The following ATF4 variants were observed in gnomAD, a reference collection of about 807,000 sequenced individuals.
ATF4 encodes cyclic AMP-dependent transcription factor ATF-4.
Under a neutral mutation model 21.0 loss-of-function variants are expected in ATF4, and 8 were observed. That is an observed-to-expected ratio of 0.38 (90% CI 0.22 to 0.69). The LOEUF (loss-of-function observed/expected upper bound fraction) is 0.69. Among genes scored for constraint, ATF4 ranks in the 30% least tolerant of loss-of-function variants. The pLI is 0.49. For synonymous variants in ATF4, 241 were observed against 166.4 expected, an observed-to-expected ratio of 1.45 and a Z score of -3.45; for missense variants, 549 against 425.9, an observed-to-expected ratio of 1.29 and a Z score of -2.54.
intron 2 of ATF4, 35 bp from the exon 3 acceptor site, chr22:39,521,738 G>A (rs1429477122): frequency 1.2e-6 from 2 of 1,610,604 alleles, no homozygotes; most frequent in South Asian, 1.1e-5. Flanking sequence ...CTTTGTATCT[G>A]ACTCACTTGG....
chr22:39,521,200 G>T lies in ATF4; in HGVS notation c.-92-154G>T, dbSNP rs527679261. 6 of 312,650 alleles carry T rather than the reference G, an allele frequency of 1.9e-5. No individual in the cohort carries two copies. In the South Asian group the frequency reaches 5.3e-4, roughly 28 times the overall value. The allele number at this position is 312,650 out of a possible 1,614,324, so 19.4% of individuals were successfully genotyped here. Reference sequence around the variant, plus strand: ...GGTCTCCGTGAGCGTCCATTTTGTGGAACCTGAGTTGCAAGCAGGGAGGGG... The same window carrying T: ...GGTCTCCGTGAGCGTCCATTTTGTGTAACCTGAGTTGCAAGCAGGGAGGGG... On this transcript the variant is annotated intron_variant, in intron 1 of 2. Transcript: ENST00000674920.
rs769410051 is a variant in ATF4 at position 39,522,500 on chromosome 22, G to A, written c.954G>A (p.Glu318=). The change falls in exon 3 of 3, where the codon GAG becomes GAA. Residue 318 remains glutamate (E), a synonymous_variant. Transcript: ENST00000674920. ...GECKELEKKN[E]ALKERADSLA... ...GCAAAGAGCTGGAAAAGAAGAACGA[G>A]GCTCTAAAAGAGAGGGCGGATTCCC... 1.2e-5 allele frequency: 20 copies of A among 1,612,170 alleles called. No individual in the cohort carries two copies. The highest frequency in any genetic ancestry group is 4.0e-5 in the African/African-American group (3 of 74,650).
Position 39,522,614 on chromosome 22 carries a change from C to T in ATF4, c.*12C>T, listed in dbSNP as rs1931040597. On this transcript the variant is annotated 3_prime_UTR_variant, in exon 3 of 3. Transcript: ENST00000674920. ...AAAGGGTCCCCTAGTTGAGGATAGT[C>T]AGGAGCGTCAATGTGCTTGTACATA... 1.3e-6 allele frequency: 2 copies of T among 1,522,848 alleles called. No homozygotes were observed. The highest frequency in any genetic ancestry group is 1.8e-6 in the Non-Finnish European group (2 of 1,138,812). The allele number at this position is 1,522,848 out of a possible 1,614,324, so 94.3% of individuals were successfully genotyped here.
chr22:39,522,561 G>A lies in ATF4; in HGVS notation c.1015G>A (p.Glu339Lys), dbSNP rs1180976813. The A allele has an allele frequency of 6.4e-7, 1 of 1,567,370 alleles. No individual in the cohort carries two copies. Among genetic ancestry groups the A allele is most frequent in the African/African-American group, 1.4e-5 (1 of 72,464 alleles). The change falls in exon 3 of 3, where the codon GAA becomes AAA. Residue 339 changes from glutamate to lysine, a missense_variant. By Grantham distance (56) the Glu-to-Lys change is moderately conservative. Coordinates refer to ENST00000674920, the MANE Select transcript of ATF4 (RefSeq NM_182810.3). ...GATCCAGTACCTGAAAGATTTGATA[G>A]AAGAGGTCCGCAAGGCAAGGGGGAA... ...KEIQYLKDLI[E>K]EVRKARGKKR...
Position 39,522,325 on chromosome 22 carries a change from C to T in ATF4, c.779C>T (p.Pro260Leu), listed in dbSNP as rs147899546. Residue 260 changes from proline to leucine, a missense_variant, in exon 3 of 3, where the codon CCT becomes CTT. Coordinates refer to ENST00000674920, the MANE Select transcript of ATF4 (RefSeq NM_182810.3). ...GVLCGSARPK[P>L]YDPPGEKMVA... Reference sequence around the variant, plus strand: ...CTCTGTGGGTCTGCCCGTCCCAAACCTTACGATCCTCCTGGAGAGAAGATG... The same window carrying T: ...CTCTGTGGGTCTGCCCGTCCCAAACTTTACGATCCTCCTGGAGAGAAGATG... 6.2e-7 allele frequency: 1 copy of T among 1,612,662 alleles called. No homozygotes were observed. Among genetic ancestry groups the T allele is most frequent in the South Asian group, 1.1e-5 (1 of 90,762 alleles).
Position 39,521,514 on chromosome 22 carries a change from G to A in ATF4, c.69G>A (p.Ser23=), listed in dbSNP as rs772253684. 6.6e-5 allele frequency: 106 copies of A among 1,605,756 alleles called. No homozygotes were observed. The highest frequency in any genetic ancestry group is 8.8e-5 in the Non-Finnish European group (104 of 1,175,696). ...ACTTGATGTCCCCCTTCGACCAGTC[G>A]GGTTTGGGGGCTGAAGAAAGCCTAG... The part of the protein sequence containing the change: ...VGDLMSPFDQ[S]GLGAEESLGL... Residue 23 remains serine (S), a synonymous_variant, in exon 2 of 3, where the codon TCG becomes TCA. Transcript: ENST00000674920.
intron 1 of ATF4, chr22:39,521,070 G>C (rs557047390): frequency 6.1e-6 from 1 of 162,798 alleles, no homozygotes; most frequent in Non-Finnish European, 1.3e-5. Flanking sequence ...GCGGCGGCGC[G>C]GGCGTGAGTC....
chr22:39,522,051 G>A lies in ATF4; in HGVS notation c.505G>A (p.Val169Ile), dbSNP rs371009074. 73 of 1,613,794 alleles carry A rather than the reference G, an allele frequency of 4.5e-5. No homozygotes were observed. Among genetic ancestry groups the A allele is most frequent in the Non-Finnish European group, 5.6e-5 (66 of 1,179,866 alleles). ...FLQPLPLSPG[V>I]LSSTPDHSFS... ...ACAACCTCTTCCCCTTTCCCCAGGG[G>A]TCCTGTCCTCCACTCCAGATCATTC... The change falls in exon 3 of 3, where the codon GTC (valine) becomes ATC (isoleucine). Residue 169 changes from valine to isoleucine, a missense_variant. Transcript: ENST00000674920.
At position 39,522,151 on chromosome 22, in the gene ATF4, C is replaced by T. The variant is rs367700144; in HGVS notation, c.605C>T (p.Ala202Val). The T allele has an allele frequency of 3.1e-6, 5 of 1,613,530 alleles. No individual in the cohort carries two copies. Among genetic ancestry groups the T allele is most frequent in the African/African-American group, 1.3e-5 (1 of 74,870 alleles). Residue 202 changes from alanine (A) to valine (V), a missense_variant, in exon 3 of 3, where the codon GCC becomes GTC. By Grantham distance (64) the Ala-to-Val change is moderately conservative (BLOSUM62 0). Transcript: ENST00000674920. ...DRKPDYTAYV[A>V]MIPQCIKEED... ...AAGCCAGACTACACTGCTTACGTTG[C>T]CATGATCCCTCAGTGCATAAAGGAG...
At position 39,521,419 on chromosome 22, in the gene ATF4, T is replaced by C. The variant is rs778398197; in HGVS notation, c.-27T>C. Reference sequence around the variant, plus strand: ...AAAGACACCTTCGAATTAAGCACATTCCTCGATTCCAGCAAAGCACCGCAA... The same window carrying C: ...AAAGACACCTTCGAATTAAGCACATCCCTCGATTCCAGCAAAGCACCGCAA... On this transcript the variant is annotated 5_prime_UTR_variant, in exon 2 of 3. Coordinates refer to ENST00000674920, the MANE Select transcript of ATF4 (RefSeq NM_182810.3). 2.6e-6 allele frequency: 4 copies of C among 1,513,586 alleles called. No individual in the cohort carries two copies. Among genetic ancestry groups the C allele is most frequent in the Non-Finnish European group, 3.5e-6 (4 of 1,129,466 alleles). 93.8% of individuals were successfully genotyped at this position (1,513,586 alleles called of 1,614,324 possible).
chr22:39,522,159 C>G lies in ATF4; in HGVS notation c.613C>G (p.Pro205Ala), dbSNP rs767122150. Residue 205 changes from proline to alanine, a missense_variant, in exon 3 of 3, where the codon CCT becomes GCT. Physicochemically the swap from Pro to Ala is conservative, Grantham distance 27. Transcript: ENST00000674920. ...CTACACTGCTTACGTTGCCATGATC[C>G]CTCAGTGCATAAAGGAGGAAGACAC... ...PDYTAYVAMI[P>A]QCIKEEDTPS... The G allele has an allele frequency of 1.2e-6, 2 of 1,613,392 alleles. No homozygotes were observed. Among genetic ancestry groups the G allele is most frequent in the Middle Eastern group, 1.6e-4 (1 of 6,078 alleles).
In ATF4 at chr22:39,521,411, A is replaced by T; in HGVS notation, c.-35A>T. 2 of 1,502,430 alleles carry T rather than the reference A, an allele frequency of 1.3e-6. No homozygotes were observed. The highest frequency in any genetic ancestry group is 1.8e-6 in the Non-Finnish European group (2 of 1,120,350). 93.1% of individuals were successfully genotyped at this position (1,502,430 alleles called of 1,614,324 possible). ...TAACCGACAAAGACACCTTCGAATT[A>T]AGCACATTCCTCGATTCCAGCAAAG... On this transcript the variant is annotated 5_prime_UTR_variant, in exon 2 of 3. Coordinates refer to ENST00000674920, the MANE Select transcript of ATF4 (RefSeq NM_182810.3).
chr22:39,521,564 T>G lies in ATF4; in HGVS notation c.119T>G (p.Val40Gly), dbSNP rs1248754297. The change falls in exon 2 of 3, where the codon GTG becomes GGG. Residue 40 changes from valine to glycine, a missense_variant. Val to Gly is a moderately radical substitution (Grantham distance 109). Coordinates refer to ENST00000674920, the MANE Select transcript of ATF4 (RefSeq NM_182810.3). ...GGTCTCTTAGATGATTACCTGGAGG[T>G]GGCCAAGCACTTCAAACCTCATGGG... ...SLGLLDDYLE[V>G]AKHFKPHGFS... 1.2e-6 allele frequency: 2 copies of G among 1,613,234 alleles called. No individual in the cohort carries two copies. Among genetic ancestry groups the G allele is most frequent in the Non-Finnish European group, 1.7e-6 (2 of 1,179,942 alleles).
intron 1 of ATF4, 130 bp downstream of exon 1, chr22:39,520,881 G>C (rs1930895740): frequency 6.5e-6 from 1 of 152,888 alleles, no homozygotes; most frequent in Admixed American, 6.5e-5. Context: ...CGGGACGCGT[G>C]GTCTTTGCTT....
At position 39,522,579 on chromosome 22, in the gene ATF4, A is replaced by G; in HGVS notation, c.1033A>G (p.Arg345Gly). 6.5e-7 allele frequency: 1 copy of G among 1,540,984 alleles called. No homozygotes were observed. The highest frequency in any genetic ancestry group is 1.4e-5 in the African/African-American group (1 of 72,160). Residue 345 changes from arginine (R) to glycine (G), a missense_variant, in exon 3 of 3, where the codon AGG (arginine) becomes GGG (glycine). Coordinates refer to ENST00000674920, the MANE Select transcript of ATF4 (RefSeq NM_182810.3). Reference sequence around the variant, plus strand: ...TTTGATAGAAGAGGTCCGCAAGGCAAGGGGGAAGAAAAGGGTCCCCTAGTT... The same window carrying G: ...TTTGATAGAAGAGGTCCGCAAGGCAGGGGGGAAGAAAAGGGTCCCCTAGTT... Reference protein sequence around the residue: ...KDLIEEVRKARGKKRVP With the variant: ...KDLIEEVRKAGGKKRVP
Position 39,522,185 on chromosome 22 carries a change from C to A in ATF4, c.639C>A (p.Thr213=). The A allele has an allele frequency of 1.2e-6, 2 of 1,611,792 alleles. No individual in the cohort carries two copies. The highest frequency in any genetic ancestry group is 1.7e-6 in the Non-Finnish European group (2 of 1,178,542). Residue 213 remains threonine (T), a synonymous_variant, in exon 3 of 3, where the codon ACC becomes ACA. Coordinates refer to ENST00000674920, the MANE Select transcript of ATF4 (RefSeq NM_182810.3). ...CTCAGTGCATAAAGGAGGAAGACAC[C>A]CCTTCAGATAATGATAGTGGCATCT... The part of the protein sequence containing the change: ...MIPQCIKEED[T]PSDNDSGICM...
At position 39,521,661 on chromosome 22, in the gene ATF4, C is replaced by T. The variant is rs776769438; in HGVS notation, c.216C>T (p.Asn72=). The change falls in exon 2 of 3, where the codon AAC becomes AAT. Residue 72 remains asparagine (N), a synonymous_variant. Transcript: ENST00000674920. ...LAVDGLVSPS[N]NSKEDAFSGT... ...TGGATGGGTTGGTCAGTCCCTCCAA[C>T]AACAGCAAGGGTGAGTGGGCCACCA... 1.8e-5 allele frequency: 29 copies of T among 1,613,708 alleles called. No individual in the cohort carries two copies. In the East Asian group the frequency reaches 6.2e-4, roughly 35 times the overall value.
chr22:39,522,329 C>G lies in ATF4; in HGVS notation c.783C>G (p.Tyr261Ter), dbSNP rs774705715. The change falls in exon 3 of 3, where the codon TAC becomes TAG. Residue 261 changes from tyrosine (Y) to a stop codon, truncating the protein, a stop_gained. Transcript: ENST00000674920. LOFTEE classifies it high-confidence loss of function. ...VLCGSARPKPYDPPGEKMVAA... is the reference protein window; with the variant it reads ...VLCGSARPKP ...GTGGGTCTGCCCGTCCCAAACCTTA[C>G]GATCCTCCTGGAGAGAAGATGGTAG... The G allele has an allele frequency of 2.5e-6, 4 of 1,612,564 alleles. No homozygotes were observed. The highest frequency in any genetic ancestry group is 2.5e-6 in the Non-Finnish European group (3 of 1,179,376).
intron 1 of ATF4, 169 bp downstream of exon 1, chr22:39,520,920 G>C (rs961109727): frequency 6.5e-6 from 1 of 152,836 alleles, no homozygotes; most frequent in African/African-American, 2.4e-5. Flanking sequence ...CGCGTGCCTG[G>C]GATCGGGAAA....
Sources: gnomAD v4.1 joint callset for allele counts on GRCh38, gnomAD v4.1.1 for gene constraint, MANE v1.5 for transcripts, NCBI Gene and HGNC (gene_info 2026-07-23, HGNC 2026-07-21) for gene names.